The following ZRANB3 variants were observed in gnomAD, a reference collection of about 807,000 sequenced individuals.
ZRANB3 encodes the protein DNA annealing helicase and endonuclease ZRANB3.
Under a neutral mutation model 133.8 loss-of-function variants are expected in ZRANB3, and 125 were observed. That is an observed-to-expected ratio of 0.93 (90% CI 0.81 to 1.08). The LOEUF is 1.08. Ranked by LOEUF, ZRANB3 falls within the 50% of genes least tolerant of loss-of-function variation. The probability of loss-of-function intolerance (pLI) is 0.00; values close to 1 mark genes in which losing one functional copy is unlikely to be tolerated. For synonymous variants in ZRANB3, 387 were observed against 432.7 expected (o/e 0.89, Z 1.31); for missense variants, 1,229 against 1,275.5 (o/e 0.96, Z 0.56).
chr2:135,255,453 C>T (rs964110164), intron 12 of ZRANB3, among the ~76,000 whole-genome samples: 6 of 152,174 alleles, frequency 3.9e-5, no homozygotes, highest in Admixed American at 6.5e-5. Context: ...CCTTGTTTCT[C>T]CTTTTCTGCC....
At chr2:135,382,940 C>G (rs1686788183) in intron 3 of ZRANB3, among the ~76,000 whole-genome samples, 1 of 152,134 alleles carries the variant, frequency 6.6e-6, no homozygotes, top group Non-Finnish European at 1.5e-5. Flanking sequence ...AACTAACGAG[C>G]AAAATAATCA....
At chr2:135,523,786 T>C (rs1359387449) in intron 1 of ZRANB3, among the ~76,000 whole-genome samples, 1 of 152,164 alleles carries the variant, frequency 6.6e-6, no homozygotes, top group Non-Finnish European at 1.5e-5. Context: ...TCAGTACCTC[T>C]TTCAGTAGAT....
chr2:135,278,542 A>T (rs919133317), intron 8 of ZRANB3, among the ~76,000 whole-genome samples: 4 of 152,174 alleles, frequency 2.6e-5, no homozygotes, highest in African/African-American at 9.7e-5. Flanking sequence ...AGGCCTAAAG[A>T]GTAACAGTTC....
intron 2 of ZRANB3, among the ~76,000 whole-genome samples, chr2:135,485,422 G>A (rs769944147): frequency 6.6e-6 from 1 of 152,158 alleles, no homozygotes; most frequent in South Asian, 2.1e-4. Flanking sequence ...ACTTTGCCCT[G>A]CTAGCCATCT....
At chr2:135,303,708 A>G (rs1304529870) in intron 8 of ZRANB3, among the ~76,000 whole-genome samples, 1 of 152,218 alleles carries the variant, frequency 6.6e-6, no homozygotes, top group Non-Finnish European at 1.5e-5. Context: ...AAGGATTTTG[A>G]TTAACAGCAT....
At chr2:135,242,972 CT>C (rs1695614971) in intron 12 of ZRANB3, among the ~76,000 whole-genome samples, 1 of 152,048 alleles carries the variant, frequency 6.6e-6, no homozygotes, top group African/African-American at 2.4e-5. Flanking sequence ...GTCTCTGTTT[CT>C]TTTGTATCTC....
chr2:135,293,232 G>A (rs975733829), intron 8 of ZRANB3, among the ~76,000 whole-genome samples: 2 of 152,126 alleles, frequency 1.3e-5, no homozygotes, highest in Non-Finnish European at 2.9e-5. Context: ...CATGAGCATG[G>A]AATGTTCTTC....
intron 1 of ZRANB3, among the ~76,000 whole-genome samples, chr2:135,509,871 A>C (rs1168673772): frequency 1.3e-5 from 2 of 152,210 alleles, no homozygotes; most frequent in African/African-American, 4.8e-5. Context: ...CAAATTTTCC[A>C]AATTTTAAAC....
At chr2:135,367,007 C>G (rs1297579604) in intron 3 of ZRANB3, among the ~76,000 whole-genome samples, 1 of 151,912 alleles carries the variant, frequency 6.6e-6, no homozygotes, top group Admixed American at 6.6e-5. Flanking sequence ...GGCGACAGAG[C>G]GAGACTCCAT....
chr2:135,411,009 T>C (rs532499865), intron 2 of ZRANB3, among the ~76,000 whole-genome samples: 1 of 152,280 alleles, frequency 6.6e-6, no homozygotes, highest in African/African-American at 2.4e-5. Context: ...GAGGCCAATG[T>C]GGGCAGACTG....
intron 12 of ZRANB3, among the ~76,000 whole-genome samples, chr2:135,240,967 T>C (rs1442091146): frequency 6.6e-6 from 1 of 152,210 alleles, no homozygotes; most frequent in African/African-American, 2.4e-5. Context: ...ACATTTTTGC[T>C]TTCTTTTAGG....
chr2:135,519,640 T>C (rs1693840089), intron 1 of ZRANB3, among the ~76,000 whole-genome samples: 1 of 152,270 alleles, frequency 6.6e-6, no homozygotes. Context: ...TAAACAGTTA[T>C]ATCCTATGAA....
chr2:135,490,907 G>A (rs1369270625), intron 2 of ZRANB3, among the ~76,000 whole-genome samples: 1 of 152,158 alleles, frequency 6.6e-6, no homozygotes, highest in Non-Finnish European at 1.5e-5. Flanking sequence ...AATATCACAT[G>A]TTCGCACTCA....
At chr2:135,379,112 CTGGGTG>C (rs1448698198) in intron 3 of ZRANB3, among the ~76,000 whole-genome samples, 5 of 152,074 alleles carry the variant, frequency 3.3e-5, no homozygotes. Flanking sequence ...ATAGGGGAAA[CTGGGTG>C]TGGGGTATAC....
At chr2:135,432,068 T>TG (rs369579884) in intron 2 of ZRANB3, among the ~76,000 whole-genome samples, 9 of 151,956 alleles carry the variant, frequency 5.9e-5, no homozygotes, top group Admixed American at 5.2e-4. Flanking sequence ...CTGACCAACA[T>TG]GGAGAAACCC....
intron 3 of ZRANB3, among the ~76,000 whole-genome samples, chr2:135,367,134 A>C (rs1360725473): frequency 6.6e-6 from 1 of 152,224 alleles, no homozygotes; most frequent in Non-Finnish European, 1.5e-5. Context: ...ATATGTGCTA[A>C]TTACCTTGAT....
At chr2:135,453,052 C>T (rs1396952130) in intron 2 of ZRANB3, among the ~76,000 whole-genome samples, 4 of 152,258 alleles carry the variant, frequency 2.6e-5, no homozygotes. Context: ...CATACAGCTT[C>T]TGAAATCTAG....
intron 8 of ZRANB3, among the ~76,000 whole-genome samples, chr2:135,294,912 T>A (rs1681963088): frequency 6.6e-6 from 1 of 152,180 alleles, no homozygotes; most frequent in Admixed American, 6.5e-5. Flanking sequence ...CAGTTTTGAG[T>A]GAGTTTCTTA....
At chr2:135,239,949 C>T (rs1695478453) in intron 12 of ZRANB3, among the ~76,000 whole-genome samples, 2 of 151,224 alleles carry the variant, frequency 1.3e-5, no homozygotes, top group Non-Finnish European at 2.9e-5. Context: ...CACCACTGCA[C>T]TCCAGCCTGG....
Sources: allele counts gnomAD v4.1 joint callset (sites outside exome capture counted in the v4.1 genomes callset), GRCh38; gene constraint gnomAD v4.1.1; transcripts MANE v1.5; gene names NCBI Gene and HGNC (gene_info 2026-07-23, HGNC 2026-07-21).